SEMA5A: variants seen among roughly 807,000 people sequenced by gnomAD.
SEMA5A encodes the protein semaphorin-5A.
In SEMA5A, 55 loss-of-function variants were observed where a neutral mutation model predicts 135.5. That is an observed-to-expected ratio of 0.41 (90% CI 0.33 to 0.51). The LOEUF (loss-of-function observed/expected upper bound fraction) is 0.51, where lower values mean the gene tolerates loss of function less well. Ranked by LOEUF, SEMA5A falls within the 20% of genes least tolerant of loss-of-function variation. The pLI is 0.37. For missense variants in SEMA5A, 1,290 were observed against 1,419.9 expected (o/e 0.91, Z 1.47); for synonymous variants, 580 against 546.5 (o/e 1.06, Z -0.85).
chr5:9,494,446 A>G (rs1735198306), intron 1 of SEMA5A, among the ~76,000 whole-genome samples: 1 of 152,186 alleles, frequency 6.6e-6, no homozygotes, highest in African/African-American at 2.4e-5. Context: ...GAGTCTATTC[A>G]GGACACATAT....
chr5:9,128,420 C>A (rs565667321), intron 13 of SEMA5A, among the ~76,000 whole-genome samples: 14 of 152,182 alleles, frequency 9.2e-5, no homozygotes, highest in Non-Finnish European at 2.1e-4. Context: ...TGCTCCTTCT[C>A]TTCCTTCCTG....
At chr5:9,067,675 G>A (rs77819295) in intron 16 of SEMA5A, among the ~76,000 whole-genome samples, 2,718 of 152,276 alleles carry the variant, frequency 0.018, 33 homozygotes, top group Non-Finnish European at 0.027. Flanking sequence ...CTAAACTTGA[G>A]TTTGGGTCCT....
intron 15 of SEMA5A, among the ~76,000 whole-genome samples, chr5:9,110,057 A>G (rs1740157803): frequency 6.6e-6 from 1 of 152,334 alleles, no homozygotes; most frequent in African/African-American, 2.4e-5. Context: ...GATGAGGCAC[A>G]CTGAACCCCT....
intron 12 of SEMA5A, among the ~76,000 whole-genome samples, chr5:9,150,155 A>G (rs2150249407): frequency 6.6e-6 from 1 of 152,214 alleles, no homozygotes; most frequent in South Asian, 2.1e-4. Flanking sequence ...CACTTTAAAG[A>G]CCACATGATG....
chr5:9,192,179 G>A (rs1219817998), intron 10 of SEMA5A, among the ~76,000 whole-genome samples: 2 of 152,180 alleles, frequency 1.3e-5, no homozygotes, highest in Non-Finnish European at 2.9e-5. Context: ...GTGCTACTCT[G>A]GCTCCGTGGC....
At chr5:9,374,933 G>T (rs965311993) in intron 3 of SEMA5A, among the ~76,000 whole-genome samples, 3 of 152,070 alleles carry the variant, frequency 2.0e-5, no homozygotes, top group African/African-American at 7.2e-5. Context: ...CAGCACCGGG[G>T]TCTCTGCTTA....
Position 9,348,358 on chromosome 5 carries a change from T to A in SEMA5A, c.125-10546A>T, listed in dbSNP as rs553518336. The stretch of plus-strand genomic sequence containing the variant: ...TCCATCAGGAAAGACAGATTTTTTT[T>A]AAATTTATAAGATTATGCAAATTCA... On this transcript the variant is annotated intron_variant, in intron 3 of 22. Transcript: ENST00000382496. Among the ~76,000 whole-genome samples, 15 of 152,334 alleles carry A rather than the reference T, an allele frequency of 9.8e-5. No homozygotes were observed. The South Asian group carries it at 1.2e-3, about 13-fold the overall frequency.
intron 12 of SEMA5A, among the ~76,000 whole-genome samples, chr5:9,147,616 G>GAATTTATAAGGTCA (rs1182061190): frequency 3.3e-5 from 5 of 150,436 alleles, no homozygotes; most frequent in African/African-American, 1.2e-4. Flanking sequence ...GTCTTATAAG[G>GAATTTATAAGGTCA]CACAATTTAA....
chr5:9,478,688 G>A (rs374502623), intron 1 of SEMA5A, among the ~76,000 whole-genome samples: 2 of 152,192 alleles, frequency 1.3e-5, no homozygotes, highest in African/African-American at 2.4e-5. Context: ...CTCGATGCCT[G>A]TACTCCCATT....
At chr5:9,399,024 G>A (rs1233866214) in intron 2 of SEMA5A, among the ~76,000 whole-genome samples, 4 of 152,168 alleles carry the variant, frequency 2.6e-5, no homozygotes, top group Non-Finnish European at 5.9e-5. Context: ...CATTTCAAAT[G>A]TAAGATAGTG....
intron 8 of SEMA5A, among the ~76,000 whole-genome samples, chr5:9,215,726 G>T (rs1367998729): frequency 2.0e-5 from 3 of 152,048 alleles, no homozygotes; most frequent in African/African-American, 7.2e-5. Context: ...TATTTCTGTG[G>T]GTTCAGCGGT....
intron 11 of SEMA5A, among the ~76,000 whole-genome samples, chr5:9,155,579 A>G (rs970829747): frequency 1.3e-5 from 2 of 152,194 alleles, no homozygotes; most frequent in African/African-American, 4.8e-5. Context: ...CCACTCAAGT[A>G]CCTGGAATCA....
intron 5 of SEMA5A, among the ~76,000 whole-genome samples, chr5:9,267,347 T>C (rs1749738723): frequency 6.6e-6 from 1 of 152,162 alleles, no homozygotes. Flanking sequence ...ACTTGAAAAC[T>C]CTGCTGAGCT....
chr5:9,424,254 C>A (rs1239780351), intron 2 of SEMA5A, among the ~76,000 whole-genome samples: 2 of 152,160 alleles, frequency 1.3e-5, no homozygotes, highest in African/African-American at 4.8e-5. Context: ...TTTCCTATAG[C>A]CAGAATGGCA....
chr5:9,108,408 T>G, intron 15 of SEMA5A, 121 bp from the exon 16 acceptor site: 1 of 1,150,056 alleles, frequency 8.7e-7, no homozygotes, highest in Non-Finnish European at 1.2e-6. Context: ...GTGGAGGAGC[T>G]TTTTGTATTT....
At chr5:9,045,811 A>C (rs576053817) in intron 21 of SEMA5A, 8 of 152,342 alleles carry the variant, frequency 5.3e-5, no homozygotes, top group African/African-American at 1.9e-4. Flanking sequence ...GCAGTTATGA[A>C]TACAAAGCAT....
rs1046681232 is a variant in SEMA5A at position 9,036,199 on chromosome 5, T to C, written c.*6698A>G. 6 of 152,194 alleles carry C rather than the reference T, an allele frequency of 3.9e-5. No homozygotes were observed. The highest frequency in any genetic ancestry group is 3.9e-4 in the Admixed American group (6 of 15,280). 9.4% of individuals were successfully genotyped at this position (152,194 alleles called of 1,614,324 possible). ...TGAAACTAAGTGCTTGGGTTAAAGA[T>C]TCATACTGTGCTTTGTTTCAAAGTG... On this transcript the variant is annotated 3_prime_UTR_variant, in exon 23 of 23. Coordinates refer to ENST00000382496, the MANE Select transcript of SEMA5A (RefSeq NM_003966.3).
chr5:9,488,860 G>A (rs910958167), intron 1 of SEMA5A, among the ~76,000 whole-genome samples: 3 of 152,144 alleles, frequency 2.0e-5, no homozygotes, highest in Admixed American at 6.5e-5. Context: ...TTTCTGAATC[G>A]AGCATATTTT....
intron 9 of SEMA5A, among the ~76,000 whole-genome samples, chr5:9,197,728 T>TGTA (rs1745474170): frequency 3.4e-5 from 2 of 59,288 alleles, no homozygotes; most frequent in Non-Finnish European, 6.5e-5. Context: ...GGAAAGCTGT[T>TGTA]TGTGTGTGTG....
Sources: gnomAD v4.1 joint callset for allele counts (sites outside exome capture counted in the v4.1 genomes callset) on GRCh38, gnomAD v4.1.1 for gene constraint, MANE v1.5 for transcripts, NCBI Gene and HGNC (gene_info 2026-07-23, HGNC 2026-07-21) for gene names.